The following ANKRD17 variants were observed in gnomAD, a reference collection of about 807,000 sequenced individuals.
ANKRD17 encodes ankyrin repeat domain-containing protein 17.
Under a neutral mutation model 229.7 loss-of-function variants are expected in ANKRD17, and 19 were observed. The observed-to-expected ratio is 0.08, with a 90% CI of 0.06 to 0.12. The LOEUF (loss-of-function observed/expected upper bound fraction) is 0.12, where lower values mean the gene tolerates loss of function less well. Ranked by LOEUF, ANKRD17 falls within the 10% of genes least tolerant of loss-of-function variation. ANKRD17 has a pLI of 1.00. For synonymous variants in ANKRD17, 1,112 were observed against 1,146.1 expected, an observed-to-expected ratio of 0.97 and a Z score of 0.60; for missense variants, 2,176 against 3,176.8, an observed-to-expected ratio of 0.68 and a Z score of 7.57.
intron 11 of ANKRD17, among the ~76,000 whole-genome samples, chr4:73,143,346 T>C (rs1729841338): frequency 6.6e-6 from 1 of 152,150 alleles, no homozygotes; most frequent in Non-Finnish European, 1.5e-5. Flanking sequence ...CCTAGGCTAG[T>C]CTCAAACTCC....
chr4:73,240,806 CTTTTTT>C (rs111961579), intron 1 of ANKRD17, among the ~76,000 whole-genome samples: 1 of 127,056 alleles, frequency 7.9e-6, no homozygotes, highest in Non-Finnish European at 1.7e-5. Flanking sequence ...AGTACTTATT[CTTTTTT>C]TTTTTTTTTT....
chr4:73,245,600 A>C (rs1744427052), intron 1 of ANKRD17, among the ~76,000 whole-genome samples: 1 of 152,216 alleles, frequency 6.6e-6, no homozygotes. Flanking sequence ...TTGCTTAGCC[A>C]GCCCTCACAA....
At chr4:73,235,915 G>A (rs752818060) in intron 1 of ANKRD17, among the ~76,000 whole-genome samples, 2 of 151,892 alleles carry the variant, frequency 1.3e-5, no homozygotes, top group Non-Finnish European at 2.9e-5. Flanking sequence ...TGTTTCCCAG[G>A]CTGGTTTCGA....
chr4:73,081,852 A>G (rs935152993), intron 30 of ANKRD17, among the ~76,000 whole-genome samples: 2 of 152,236 alleles, frequency 1.3e-5, no homozygotes, highest in Non-Finnish European at 2.9e-5. Context: ...TTACAAATTC[A>G]AAAAGTGGGG....
At chr4:73,144,563 G>C (rs905485919) in intron 11 of ANKRD17, among the ~76,000 whole-genome samples, 182 bp downstream of exon 11, 4 of 152,102 alleles carry the variant, frequency 2.6e-5, no homozygotes, top group Admixed American at 2.6e-4. Context: ...ATTATTTCTA[G>C]TTTGAAGCTG....
In ANKRD17 at chr4:73,258,502, C is replaced by G; in HGVS notation, c.167G>C (p.Arg56Pro). The G allele has an allele frequency of 6.4e-7, 1 of 1,559,556 alleles. No individual in the cohort carries two copies. Among genetic ancestry groups the G allele is most frequent in the Non-Finnish European group, 8.7e-7 (1 of 1,154,738 alleles). The change falls in exon 1 of 34, where the codon CGA (arginine) becomes CCA (proline). Residue 56 changes from arginine to proline, a missense_variant. Arg to Pro is a moderately radical substitution (Grantham distance 103). This residue lies in a region of ANKRD17 where 196 missense variants were observed against 190.0 expected (regional missense o/e 1.03). Transcript: ENST00000358602. ...CTTCTTCAGGAGCAGGTCGCAGACTCGCACCATCCCACGAGGAGACGAGGC... is the reference window on the plus strand; with the variant it reads ...CTTCTTCAGGAGCAGGTCGCAGACTGGCACCATCCCACGAGGAGACGAGGC... The part of the protein sequence containing the change: ...RSASSPRGMV[R>P]VCDLLLKKKP...
In ANKRD17 at chr4:73,084,988, G is replaced by C. The variant is rs111777646; in HGVS notation, c.7159+261C>G. Among the ~76,000 whole-genome samples, 203 of 152,016 alleles carry C rather than the reference G, an allele frequency of 1.3e-3. 1 individual carries two copies. In the South Asian group the frequency reaches 0.016, roughly 12 times the overall value. The stretch of plus-strand genomic sequence containing the variant: ...AGCCCAGGAGTTTGACGAAACCAGC[G>C]AGGGCAACACAGTGAGAGCCTGTCT... On this transcript the variant is annotated intron_variant, in intron 30 of 33. Coordinates refer to ENST00000358602, the MANE Select transcript of ANKRD17 (RefSeq NM_032217.5).
intron 29 of ANKRD17, among the ~76,000 whole-genome samples, chr4:73,088,362 G>A (rs1330659722): frequency 6.6e-6 from 1 of 152,128 alleles, no homozygotes; most frequent in Non-Finnish European, 1.5e-5. Context: ...TAATTGACTT[G>A]TAAGTTAAAC....
At position 73,078,901 on chromosome 4, in the gene ANKRD17, GAT is replaced by G. The variant is rs760096653; in HGVS notation, c.7160-13_7160-12del. On this transcript the variant is annotated splice_polypyrimidine_tract_variant and intron_variant, in intron 30 of 33. Transcript: ENST00000358602. ...ACTGTGCAGAAGAATCTAGAGAAGAGATATTTTGAAATAAAATACAGGTCATC... is the reference window on the plus strand; with the variant it reads ...ACTGTGCAGAAGAATCTAGAGAAGAGATTTTGAAATAAAATACAGGTCATC... 1 of 1,602,976 alleles carries G rather than the reference GAT, an allele frequency of 6.2e-7. No individual in the cohort carries two copies. Among genetic ancestry groups the G allele is most frequent in the Non-Finnish European group, 8.5e-7 (1 of 1,174,916 alleles).
intron 22 of ANKRD17, among the ~76,000 whole-genome samples, chr4:73,117,558 G>A (rs1196575614): frequency 6.6e-6 from 1 of 152,136 alleles, no homozygotes; most frequent in Non-Finnish European, 1.5e-5. Flanking sequence ...AAAATATAGA[G>A]AGTCAAAAAT....
chr4:73,082,022 C>T (rs1356176356), intron 30 of ANKRD17, among the ~76,000 whole-genome samples: 3 of 152,008 alleles, frequency 2.0e-5, no homozygotes, highest in Non-Finnish European at 4.4e-5. Flanking sequence ...TGGTGGTGCA[C>T]ACCTGTAGTC....
chr4:73,208,188 C>CAAAAAAAAAAAAAAAAAAA, intron 1 of ANKRD17, among the ~76,000 whole-genome samples: 1 of 67,962 alleles, frequency 1.5e-5, no homozygotes, highest in Non-Finnish European at 2.7e-5. Flanking sequence ...GACTCCGTCT[C>CAAAAAAAAAAAAAAAAAAA]AAAAAAAAAA....
At chr4:73,106,494 GA>G (rs1724636762) in intron 24 of ANKRD17, among the ~76,000 whole-genome samples, 1 of 152,116 alleles carries the variant, frequency 6.6e-6, no homozygotes, top group African/African-American at 2.4e-5. Flanking sequence ...AGAAATAAGA[GA>G]GAAGACCTGA....
intron 24 of ANKRD17, among the ~76,000 whole-genome samples, chr4:73,109,362 G>A (rs1026612218): frequency 1.7e-5 from 2 of 120,434 alleles, no homozygotes; most frequent in Admixed American, 1.6e-4. Flanking sequence ...ATATTGGTGG[G>A]TGGATAGATA....
intron 1 of ANKRD17, among the ~76,000 whole-genome samples, chr4:73,215,133 C>T (rs933602288): frequency 6.6e-6 from 1 of 152,094 alleles, no homozygotes; most frequent in Non-Finnish European, 1.5e-5. Context: ...AAAAACAATT[C>T]AAATGATTTG....
chr4:73,251,485 C>A (rs1745019920), intron 1 of ANKRD17, among the ~76,000 whole-genome samples: 1 of 150,920 alleles, frequency 6.6e-6, no homozygotes. Context: ...GAAGGGTATT[C>A]GTATTTACCC....
chr4:73,161,705 C>T (rs1199996475), intron 2 of ANKRD17, among the ~76,000 whole-genome samples: 1 of 152,068 alleles, frequency 6.6e-6, no homozygotes, highest in African/African-American at 2.4e-5. Context: ...TTTGTCACCA[C>T]ATACAGAAAA....
chr4:73,255,447 T>C (rs890366118), intron 1 of ANKRD17, among the ~76,000 whole-genome samples: 1 of 152,204 alleles, frequency 6.6e-6, no homozygotes, highest in African/African-American at 2.4e-5. Context: ...TTAAAGATCA[T>C]TTTATCTACT....
intron 1 of ANKRD17, among the ~76,000 whole-genome samples, chr4:73,240,894 C>T (rs1047331521): frequency 2.0e-5 from 3 of 150,960 alleles, no homozygotes; most frequent in Admixed American, 6.6e-5. Context: ...CTGCAACCTC[C>T]GCCTCCCGGG....
Sources: gnomAD v4.1 joint callset for allele counts (sites outside exome capture counted in the v4.1 genomes callset) on GRCh38, gnomAD v4.1.1 for gene constraint, gnomAD v4.1.1 regional missense constraint, MANE v1.5 for transcripts, NCBI Gene and HGNC (gene_info 2026-07-23, HGNC 2026-07-21) for gene names.